Variants in CST4 observed in about 807,000 individuals in gnomAD.
CST4 encodes cystatin S.
CST4 carries 17 observed loss-of-function variants against 11.2 expected under a neutral mutation model. The ratio of observed to expected loss-of-function variants is 1.52; its 90% CI spans 1.04 to 2.27. The LOEUF (loss-of-function observed/expected upper bound fraction) is 2.27. Among genes scored for constraint, CST4 ranks in the 30% most tolerant of loss-of-function variants. The pLI is 0.00. For synonymous variants in CST4, 93 were observed against 70.1 expected (o/e 1.33, Z -1.63); for missense variants, 251 against 180.2 (o/e 1.39, Z -2.25).
rs116791187 is a variant in CST4, at chr20:23,688,770, G to A, written c.200C>T (p.Pro67Leu). ...KATEDEYYRR[P>L]LQVLRAREQT... ...CTCCCTGGCTCGCAGCACCTGCAGCGGGCGTCTGTAGTACTCATCTTCGGT... is the reference window on the plus strand; with the variant it reads ...CTCCCTGGCTCGCAGCACCTGCAGCAGGCGTCTGTAGTACTCATCTTCGGT... Residue 67 changes from proline to leucine, a missense_variant, in exon 1 of 3, where the codon CCG becomes CTG. By Grantham distance (98) the Pro-to-Leu change is moderately conservative. Coordinates refer to ENST00000217423, the MANE Select transcript of CST4 (RefSeq NM_001899.3). 1,085 of 1,614,134 alleles carry A rather than the reference G, an allele frequency of 6.7e-4. 9 individuals carry two copies. In the African/African-American group the frequency reaches 0.013, roughly 19 times the overall value.
Position 23,687,136 on chromosome 20 carries a change from C to T in CST4, c.294G>A (p.Gln98=). ...GGAAGGCACAGGTGTCCAAGTTGGG[C>T]TGGGACTTGGTACATATGGTGCGGC... The part of the protein sequence containing the change: ...EVGRTICTKS[Q]PNLDTCAFHE... The change falls in exon 2 of 3, where the codon CAG becomes CAA. Residue 98 remains glutamine, a synonymous_variant. Coordinates refer to ENST00000217423, the MANE Select transcript of CST4 (RefSeq NM_001899.3). The T allele has an allele frequency of 1.2e-6, 2 of 1,614,152 alleles. No homozygotes were observed. Among genetic ancestry groups the T allele is most frequent in the Non-Finnish European group, 1.7e-6 (2 of 1,180,028 alleles).
chr20:23,686,283 G>T (rs1308162797), intron 2 of CST4, among the ~76,000 whole-genome samples: 9 of 152,142 alleles, frequency 5.9e-5, no homozygotes, highest in Non-Finnish European at 1.2e-4. Context: ...AGGACATGGG[G>T]AGGTGGCTCA....
At chr20:23,687,277 T>G in intron 1 of CST4, 76 bp from the exon 2 acceptor site, 1 of 1,394,778 alleles carries the variant, frequency 7.2e-7, no homozygotes, top group Non-Finnish European at 1.0e-6. Context: ...TCACTGTGGC[T>G]GAGTCACTGG....
At position 23,687,191 on chromosome 20, in the gene CST4, C is replaced by T. The variant is rs144556333; in HGVS notation, c.239G>A (p.Gly80Glu). The T allele has an allele frequency of 2.5e-6, 4 of 1,613,876 alleles. No individual in the cohort carries two copies. The African/African-American group carries it at 4.0e-5, about 16-fold the overall frequency. Residue 80 changes from glycine to glutamate, a missense_variant, in exon 2 of 3, where the codon GGG becomes GAG. Coordinates refer to ENST00000217423, the MANE Select transcript of CST4 (RefSeq NM_001899.3). ...VLRAREQTFG[G>E]VNYFFDVEVG... The stretch of plus-strand genomic sequence containing the variant: ...CTCTACGTCGAAGAAGTAATTCACC[C>T]CCCCAAAGGTCTGCACACAGGAGAA...
chr20:23,687,955 G>C (rs1227898986), intron 1 of CST4, among the ~76,000 whole-genome samples: 1 of 152,246 alleles, frequency 6.6e-6, no homozygotes, highest in Non-Finnish European at 1.5e-5. Context: ...CTCCTGTGCA[G>C]GGTGAGGGCT....
chr20:23,687,609 G>A (rs1981089283), intron 1 of CST4, among the ~76,000 whole-genome samples: 1 of 152,208 alleles, frequency 6.6e-6, no homozygotes, highest in African/African-American at 2.4e-5. Context: ...GGTCAATGGG[G>A]CCGCCCAGAT....
intron 2 of CST4, among the ~76,000 whole-genome samples, chr20:23,686,583 A>T (rs931424937): frequency 2.0e-5 from 3 of 151,970 alleles, no homozygotes; most frequent in African/African-American, 7.3e-5. Context: ...CTGGGATTAG[A>T]CAGATCCCCT....
Position 23,688,742 on chromosome 20 carries a change from C to T in CST4, c.228G>A (p.Gln76=). 6.2e-7 allele frequency: 1 copy of T among 1,614,074 alleles called. No homozygotes were observed. Among genetic ancestry groups the T allele is most frequent in the Non-Finnish European group, 8.5e-7 (1 of 1,179,954 alleles). The change falls in exon 1 of 3, where the codon CAG becomes CAA. Residue 76 remains glutamine (Q), a splice_region_variant and synonymous_variant. Coordinates refer to ENST00000217423, the MANE Select transcript of CST4 (RefSeq NM_001899.3). ...RPLQVLRARE[Q]TFGGVNYFFD... ...CCCCTCGGGTGGAGGCAGCACCCAC[C>T]TGCTCCCTGGCTCGCAGCACCTGCA... is the stretch of plus-strand genomic sequence containing the variant.
In CST4 at chr20:23,687,919, G is replaced by A. The variant is rs758191978; in HGVS notation, c.229-718C>T. On this transcript the variant is annotated intron_variant, in intron 1 of 2. Coordinates refer to ENST00000217423, the MANE Select transcript of CST4 (RefSeq NM_001899.3). ...GCTTAAGAGGGAGATGCAGGCCAGCGGGGACCATGGCACCAGGGAGTGCAC... is the reference window on the plus strand; with the variant it reads ...GCTTAAGAGGGAGATGCAGGCCAGCAGGGACCATGGCACCAGGGAGTGCAC... Among the ~76,000 whole-genome samples, 6 of 152,216 alleles carry A rather than the reference G, an allele frequency of 3.9e-5. No individual in the cohort carries two copies. In the South Asian group the frequency reaches 6.2e-4, roughly 16 times the overall value.
At chr20:23,686,225 G>A (rs534039841) in intron 2 of CST4, among the ~76,000 whole-genome samples, 2 of 152,270 alleles carry the variant, frequency 1.3e-5, no homozygotes, top group African/African-American at 4.8e-5. Context: ...TCCCATCACA[G>A]CCCTGTGAGG....
rs753270981 is a variant in CST4, at chr20:23,687,149, C to T, written c.281G>A (p.Cys94Tyr). The T allele has an allele frequency of 2.5e-6, 4 of 1,614,140 alleles. No individual in the cohort carries two copies. The East Asian group carries it at 6.7e-5, about 27-fold the overall frequency. ...GTCCAAGTTGGGCTGGGACTTGGTA[C>T]ATATGGTGCGGCCCACCTCTACGTC... ...FFDVEVGRTICTKSQPNLDTC... is the reference protein window; with the variant it reads ...FFDVEVGRTIYTKSQPNLDTC... The change falls in exon 2 of 3, where the codon TGT (cysteine) becomes TAT (tyrosine). Residue 94 changes from cysteine (C) to tyrosine (Y), a missense_variant. By Grantham distance (194) the Cys-to-Tyr change is radical. Transcript: ENST00000217423.
At position 23,687,140 on chromosome 20, in the gene CST4, G is replaced by A. The variant is rs548523038; in HGVS notation, c.290C>T (p.Ser97Phe). 1.9e-6 allele frequency: 3 copies of A among 1,613,988 alleles called. No homozygotes were observed. The highest frequency in any genetic ancestry group is 2.7e-5 in the African/African-American group (2 of 74,876). The change falls in exon 2 of 3, where the codon TCC becomes TTC. Residue 97 changes from serine to phenylalanine, a missense_variant. Transcript: ENST00000217423. ...VEVGRTICTK[S>F]QPNLDTCAFH... Reference sequence around the variant, plus strand: ...GGCACAGGTGTCCAAGTTGGGCTGGGACTTGGTACATATGGTGCGGCCCAC... The same window carrying A: ...GGCACAGGTGTCCAAGTTGGGCTGGAACTTGGTACATATGGTGCGGCCCAC...
intron 1 of CST4, 58 bp downstream of exon 1, chr20:23,688,684 G>T: frequency 6.6e-7 from 1 of 1,511,336 alleles, no homozygotes; most frequent in Non-Finnish European, 9.2e-7. Context: ...ATGCTCTTGG[G>T]GGTCCGGCAA....
rs1981017481 is a variant in CST4 at position 23,685,789 on chromosome 20, A to C, written c.*105T>G. On this transcript the variant is annotated 3_prime_UTR_variant, in exon 3 of 3. Transcript: ENST00000217423. ...TCTCTGTCTGTCTCTTGGCACAGGC[A>C]CATGGGGAGGCCTCCCGCAGGGTGG... 1 of 1,174,858 alleles carries C rather than the reference A, an allele frequency of 8.5e-7. No individual in the cohort carries two copies. Among genetic ancestry groups the C allele is most frequent in the Admixed American group, 1.9e-5 (1 of 51,714 alleles). 72.8% of individuals were successfully genotyped at this position (1,174,858 alleles called of 1,614,324 possible).
At chr20:23,686,208 T>A (rs1981035971) in intron 2 of CST4, among the ~76,000 whole-genome samples, 1 of 152,082 alleles carries the variant, frequency 6.6e-6, no homozygotes. Context: ...CAGCCTGCAG[T>A]GTCCTGTCCC....
chr20:23,686,680 C>A (rs1209154820), intron 2 of CST4, among the ~76,000 whole-genome samples: 11 of 152,126 alleles, frequency 7.2e-5, no homozygotes, highest in Non-Finnish European at 1.5e-4. Flanking sequence ...TTCTAGTAAC[C>A]ATTCCCAAGC....
rs1441457886 is a variant in CST4, at chr20:23,685,684, A to G, written c.*210T>C. On this transcript the variant is annotated 3_prime_UTR_variant, in exon 3 of 3. Transcript: ENST00000217423. ...TGCAGGAGGTGGGGGTGTGTGTACC[A>G]TGTACCAGGTCTATTAGAAGCAAGA... The G allele has an allele frequency of 3.0e-5, 18 of 600,944 alleles. No individual in the cohort carries two copies. Among genetic ancestry groups the G allele is most frequent in the Non-Finnish European group, 2.1e-5 (7 of 336,466 alleles). 37.2% of individuals were successfully genotyped at this position (600,944 alleles called of 1,614,324 possible).
At chr20:23,687,478 G>T (rs1981086198) in intron 1 of CST4, among the ~76,000 whole-genome samples, 1 of 152,142 alleles carries the variant, frequency 6.6e-6, no homozygotes, top group Non-Finnish European at 1.5e-5. Flanking sequence ...TCTTTTCTAG[G>T]AAGGCTGTCT....
intron 2 of CST4, among the ~76,000 whole-genome samples, chr20:23,686,378 C>T (rs12106038): frequency 1.3e-5 from 2 of 152,240 alleles, no homozygotes; most frequent in Admixed American, 6.5e-5. Context: ...GCAACTCCCC[C>T]TCAAAGAGCT....
Sources: gnomAD v4.1 joint callset for allele counts (sites outside exome capture counted in the v4.1 genomes callset) on GRCh38, gnomAD v4.1.1 for gene constraint, MANE v1.5 for transcripts, NCBI Gene and HGNC (gene_info 2026-07-23, HGNC 2026-07-21) for gene names.